SIPA1L1: variants seen among roughly 807,000 people sequenced by gnomAD.
SIPA1L1 encodes signal induced proliferation associated 1 like 1, also known as signal-induced proliferation-associated 1-like protein 1.
A neutral mutation model predicts 162.7 loss-of-function variants in SIPA1L1; 26 were observed. The ratio of observed to expected loss-of-function variants is 0.16; its 90% confidence interval spans 0.12 to 0.22. The LOEUF is 0.22. Among genes scored for constraint, SIPA1L1 ranks in the 10% least tolerant of loss-of-function variants. The pLI, the probability that SIPA1L1 is intolerant of heterozygous loss-of-function variation, is 1.00. For missense variants in SIPA1L1, 1,874 were observed against 2,241.0 expected, an observed-to-expected ratio of 0.84 and a Z score of 3.31; for synonymous variants, 829 against 837.4, an observed-to-expected ratio of 0.99 and a Z score of 0.17.
intron 2 of SIPA1L1, among the ~76,000 whole-genome samples, chr14:71,445,118 A>G (rs753149116): frequency 1.8e-4 from 28 of 152,252 alleles, no homozygotes; most frequent in African/African-American, 4.3e-4. Flanking sequence ...GGAAGACAAC[A>G]TGCAATCTAA....
intron 12 of SIPA1L1, among the ~76,000 whole-genome samples, chr14:71,673,724 T>G (rs2044774602): frequency 6.6e-6 from 1 of 152,242 alleles, no homozygotes; most frequent in South Asian, 2.1e-4. Context: ...TCTGATAGTT[T>G]GAAGAACTTC....
intron 5 of SIPA1L1, among the ~76,000 whole-genome samples, chr14:71,607,934 C>A (rs1018143349): frequency 2.0e-5 from 3 of 152,190 alleles, no homozygotes; most frequent in African/African-American, 7.2e-5. Context: ...GTTGATGACA[C>A]ACATAATCAA....
intron 5 of SIPA1L1, chr14:71,598,124 T>G: frequency 1.3e-6 from 1 of 763,460 alleles, no homozygotes. Flanking sequence ...TCTTCCTCTC[T>G]TTTCAGGAAA....
intron 17 of SIPA1L1, among the ~76,000 whole-genome samples, chr14:71,721,086 C>A (rs1346013914): frequency 6.6e-6 from 1 of 152,180 alleles, no homozygotes; most frequent in East Asian, 1.9e-4. Flanking sequence ...ACCCGTCCTT[C>A]TGGAAAAGGC....
At chr14:71,419,519 C>G (rs1481876901) in intron 2 of SIPA1L1, among the ~76,000 whole-genome samples, 4 of 113,624 alleles carry the variant, frequency 3.5e-5, no homozygotes, top group Admixed American at 1.3e-4. Context: ...GAGACGGAGT[C>G]TCGCTCTGTC....
At chr14:71,392,203 T>C (rs563736744) in intron 2 of SIPA1L1, among the ~76,000 whole-genome samples, 2 of 152,286 alleles carry the variant, frequency 1.3e-5, no homozygotes, top group African/African-American at 4.8e-5. Flanking sequence ...GGCAGATGCT[T>C]CAGGAGTTCC....
rs377541525 is a variant in SIPA1L1, at chr14:71,690,319, A to G, written c.3374+4688A>G. Among the ~76,000 whole-genome samples the G allele has an allele frequency of 5.7e-4, 86 of 152,118 alleles. No individual in the cohort carries two copies. In the South Asian group the frequency reaches 0.017, roughly 31 times the overall value. On this transcript the variant is annotated intron_variant, in intron 13 of 23. Transcript: ENST00000381232. ...GTGGCATTGATCTTAGCTCACTGTA[A>G]ACTCAAACTCCTGGGTTCAAGCCAT...
chr14:71,475,461 A>G (rs2047772452), intron 2 of SIPA1L1, among the ~76,000 whole-genome samples: 1 of 152,152 alleles, frequency 6.6e-6, no homozygotes, highest in Admixed American at 6.5e-5. Flanking sequence ...GGATTAGGTA[A>G]TACCTTCAAA....
chr14:71,477,534 TCTCG>T lies in SIPA1L1; in HGVS notation c.-464-35207_-464-35204del, dbSNP rs2047975926. Among the ~76,000 whole-genome samples the T allele has an allele frequency of 2.0e-5, 3 of 152,224 alleles. No individual in the cohort carries two copies. The South Asian group carries it at 6.2e-4, about 31-fold the overall frequency. ...TAATTAATTATTTTAACAGATGGCG[TCTCG>T]CCGTGTTGCCCGGGCTGGTCTCAAA... On this transcript the variant is annotated intron_variant, in intron 2 of 23. Transcript: ENST00000381232.
intron 2 of SIPA1L1, among the ~76,000 whole-genome samples, chr14:71,404,018 C>G (rs2041871627): frequency 8.4e-6 from 1 of 118,388 alleles, no homozygotes; most frequent in South Asian, 2.6e-4. Context: ...AGTGAAGAGA[C>G]TGTTTTGGTT....
intron 2 of SIPA1L1, chr14:71,398,511 C>T (rs1199679247): frequency 6.6e-6 from 1 of 152,112 alleles, no homozygotes; most frequent in South Asian, 2.1e-4. Context: ...TAATGTATTC[C>T]CTGTATTTAA....
intron 4 of SIPA1L1, among the ~76,000 whole-genome samples, chr14:71,572,080 G>A (rs961751732): frequency 2.0e-5 from 3 of 152,232 alleles, no homozygotes; most frequent in Middle Eastern, 3.4e-3. Context: ...ATGCTGAGGG[G>A]CTGAGCCTCC....
chr14:71,576,482 A>T (rs969766173), intron 4 of SIPA1L1: 2 of 152,238 alleles, frequency 1.3e-5, no homozygotes, highest in Admixed American at 6.5e-5. Context: ...AGAGTAGGGG[A>T]ATGAGGAAAT....
chr14:71,598,029 C>A (rs1419539812), intron 5 of SIPA1L1, among the ~76,000 whole-genome samples: 1 of 152,158 alleles, frequency 6.6e-6, no homozygotes, highest in East Asian at 1.9e-4. Flanking sequence ...GTATTCATAG[C>A]ATCAGGAAGA....
intron 2 of SIPA1L1, among the ~76,000 whole-genome samples, chr14:71,423,914 A>G (rs1364005853): frequency 6.6e-6 from 1 of 152,144 alleles, no homozygotes; most frequent in Non-Finnish European, 1.5e-5. Flanking sequence ...CTATCTTAAT[A>G]TCAAACCTTT....
intron 4 of SIPA1L1, among the ~76,000 whole-genome samples, chr14:71,569,243 T>C (rs2031439953): frequency 6.6e-6 from 1 of 152,194 alleles, no homozygotes; most frequent in African/African-American, 2.4e-5. Flanking sequence ...AATTTTAATT[T>C]AACTAATTTA....
At chr14:71,511,690 A>G (rs936283074) in intron 2 of SIPA1L1, among the ~76,000 whole-genome samples, 1 of 152,118 alleles carries the variant, frequency 6.6e-6, no homozygotes, top group Admixed American at 6.5e-5. Context: ...GTCTTTTTGT[A>G]TATTAATACG....
intron 17 of SIPA1L1, among the ~76,000 whole-genome samples, chr14:71,717,351 T>A (rs760871930): frequency 1.1e-4 from 17 of 152,254 alleles, no homozygotes; most frequent in Non-Finnish European, 2.4e-4. Flanking sequence ...AGTTTCTTCA[T>A]GTAGAATTTA....
intron 5 of SIPA1L1, among the ~76,000 whole-genome samples, chr14:71,611,032 A>G (rs1042962052): frequency 1.3e-5 from 2 of 152,156 alleles, no homozygotes; most frequent in African/African-American, 4.8e-5. Flanking sequence ...GTCCCCATCC[A>G]TTACTCTGAC....
Sources: gnomAD v4.1 joint callset for allele counts (sites outside exome capture counted in the v4.1 genomes callset) on GRCh38, gnomAD v4.1.1 for gene constraint, MANE v1.5 for transcripts, NCBI Gene and HGNC (gene_info 2026-07-23, HGNC 2026-07-21) for gene names.